Variants in NRXN3 observed in about 807,000 individuals in gnomAD.
NRXN3 encodes neurexin III.
In NRXN3, 32 loss-of-function variants were observed where a neutral mutation model predicts 137.6. The observed-to-expected ratio is 0.23, with a 90% CI of 0.18 to 0.31. The LOEUF (loss-of-function observed/expected upper bound fraction) is 0.31. NRXN3 is among the 10% of genes least tolerant of loss of function. The pLI is 1.00. For synonymous variants in NRXN3, 798 were observed against 784.5 expected (o/e 1.02, Z -0.29); for missense variants, 1,574 against 2,062.5 (o/e 0.76, Z 4.59).
At chr14:79,333,380 A>T (rs1003334392) in intron 15 of NRXN3, among the ~76,000 whole-genome samples, 1 of 152,170 alleles carries the variant, frequency 6.6e-6, no homozygotes, top group Admixed American at 6.5e-5. Context: ...CTTGTCATAA[A>T]CCACCTTCTT....
chr14:79,218,956 C>T (rs913977704), intron 15 of NRXN3, among the ~76,000 whole-genome samples: 4 of 152,070 alleles, frequency 2.6e-5, no homozygotes, highest in African/African-American at 7.2e-5. Flanking sequence ...TTAGCAAGGT[C>T]TTGTAATAGT....
At chr14:79,667,736 C>A (rs2098572598) in intron 17 of NRXN3, among the ~76,000 whole-genome samples, 3 of 151,982 alleles carry the variant, frequency 2.0e-5, no homozygotes, top group African/African-American at 4.8e-5. Context: ...CAGGCACTGA[C>A]AAATGTTCCT....
intron 15 of NRXN3, among the ~76,000 whole-genome samples, chr14:79,449,432 A>G (rs1043585125): frequency 1.2e-4 from 18 of 151,968 alleles, no homozygotes; most frequent in Non-Finnish European, 2.2e-4. Flanking sequence ...AGGATCTGGA[A>G]AAAAAAATGC....
chr14:78,531,617 CT>C (rs35423788), intron 4 of NRXN3, among the ~76,000 whole-genome samples: 36,021 of 151,756 alleles, frequency 0.24, 4,478 homozygotes, highest in Middle Eastern at 0.32. Context: ...GTATCATTTC[CT>C]TTTTTTTGCA....
At chr14:79,550,236 TG>T (rs1157864710) in intron 16 of NRXN3, among the ~76,000 whole-genome samples, 1 of 152,118 alleles carries the variant, frequency 6.6e-6, no homozygotes, top group African/African-American at 2.4e-5. Context: ...TCCAAAGTGC[TG>T]GGATTACAGG....
chr14:78,232,633 C>A (rs1417312851), intron 1 of NRXN3, among the ~76,000 whole-genome samples: 1 of 152,198 alleles, frequency 6.6e-6, no homozygotes, highest in Non-Finnish European at 1.5e-5. Context: ...CCCTCCTTTT[C>A]CCTCTCCATT....
At chr14:79,803,956 T>C (rs968185397) in intron 19 of NRXN3, among the ~76,000 whole-genome samples, 43 of 146,118 alleles carry the variant, frequency 2.9e-4, no homozygotes, top group Admixed American at 1.5e-3. Context: ...TATATATATA[T>C]ACATATATAT....
intron 16 of NRXN3, among the ~76,000 whole-genome samples, chr14:79,659,296 T>C (rs528563344): frequency 1.4e-4 from 21 of 152,182 alleles, no homozygotes; most frequent in African/African-American, 4.6e-4. Context: ...ATTGAAGCAA[T>C]TGTCTTGGTA....
At chr14:78,860,376 T>A (rs2099069161) in intron 10 of NRXN3, among the ~76,000 whole-genome samples, 1 of 152,178 alleles carries the variant, frequency 6.6e-6, no homozygotes, top group South Asian at 2.1e-4. Context: ...CTACCCTCTA[T>A]GCCCTCCATC....
At chr14:79,737,043 T>G (rs1045733841) in intron 19 of NRXN3, among the ~76,000 whole-genome samples, 1 of 152,240 alleles carries the variant, frequency 6.6e-6, no homozygotes, top group Non-Finnish European at 1.5e-5. Context: ...CATCCAGATG[T>G]TCACAACATC....
intron 10 of NRXN3, among the ~76,000 whole-genome samples, chr14:78,937,516 A>G (rs2099344562): frequency 6.6e-6 from 1 of 152,216 alleles, no homozygotes; most frequent in South Asian, 2.1e-4. Flanking sequence ...ATTGAACATT[A>G]TATGATTTGG....
At chr14:78,981,777 C>T (rs2099490118) in intron 14 of NRXN3, among the ~76,000 whole-genome samples, 1 of 152,112 alleles carries the variant, frequency 6.6e-6, no homozygotes, top group African/African-American at 2.4e-5. Context: ...TAGTGGGAAG[C>T]ACTGTTGAAG....
intron 4 of NRXN3, among the ~76,000 whole-genome samples, chr14:78,638,267 T>C (rs2097583600): frequency 6.6e-6 from 1 of 152,200 alleles, no homozygotes; most frequent in Non-Finnish European, 1.5e-5. Context: ...ATTTCCTGTG[T>C]ATTTTCTTTT....
At position 78,390,529 on chromosome 14, in the gene NRXN3, C is replaced by T. The variant is rs954101404; in HGVS notation, c.757+92669C>T. Among the ~76,000 whole-genome samples, 15 of 152,186 alleles carry T rather than the reference C, an allele frequency of 9.9e-5. 1 individual carries two copies. Among genetic ancestry groups the T allele is most frequent in the South Asian group, 4.1e-4 (2 of 4,836 alleles). The stretch of plus-strand genomic sequence containing the variant: ...CTGTTCGCTCCAACTTTTTGCATCT[C>T]GCCTTTACCTTATTAGTAAGGAGAA... On this transcript the variant is annotated intron_variant, in intron 4 of 20. Transcript: ENST00000335750.
At chr14:78,478,553 A>G (rs1342474982) in intron 4 of NRXN3, among the ~76,000 whole-genome samples, 1 of 152,192 alleles carries the variant, frequency 6.6e-6, no homozygotes, top group Non-Finnish European at 1.5e-5. Flanking sequence ...GAAGTCAGAA[A>G]AAAAAGAGAA....
intron 4 of NRXN3, among the ~76,000 whole-genome samples, chr14:78,445,056 CTTAAA>C (rs2094380355): frequency 6.6e-6 from 1 of 151,366 alleles, no homozygotes; most frequent in Admixed American, 6.6e-5. Context: ...TATATCTGTT[CTTAAA>C]TTAAACTCCA....
intron 20 of NRXN3, among the ~76,000 whole-genome samples, chr14:79,816,752 C>A (rs2099252611): frequency 6.6e-6 from 1 of 152,074 alleles, no homozygotes; most frequent in African/African-American, 2.4e-5. Flanking sequence ...GTTAATTAAC[C>A]AACTGCACAG....
intron 15 of NRXN3, among the ~76,000 whole-genome samples, chr14:79,210,614 G>A (rs928653024): frequency 6.6e-6 from 1 of 152,098 alleles, no homozygotes; most frequent in Non-Finnish European, 1.5e-5. Flanking sequence ...AATGTCTACC[G>A]ACTTCTTTAG....
chr14:78,594,167 G>C (rs370083930), intron 4 of NRXN3, among the ~76,000 whole-genome samples: 1 of 152,228 alleles, frequency 6.6e-6, no homozygotes. Flanking sequence ...GGCTGGCAGT[G>C]AGGTAATGCA....
Sources: allele counts gnomAD v4.1 joint callset (sites outside exome capture counted in the v4.1 genomes callset), GRCh38; gene constraint gnomAD v4.1.1; transcripts MANE v1.5; gene names NCBI Gene and HGNC (gene_info 2026-07-23, HGNC 2026-07-21).